Variants in STARD9 observed in about 807,000 individuals in gnomAD.
STARD9 encodes the protein stAR-related lipid transfer protein 9.
Under a neutral mutation model 399.8 loss-of-function variants are expected in STARD9, and 346 were observed. The observed-to-expected ratio is 0.87, with a 90% CI of 0.79 to 0.95. STARD9 has a LOEUF of 0.95. STARD9 is among the 40% of genes least tolerant of loss of function. STARD9 has a pLI of 0.00. For synonymous variants in STARD9, 2,203 were observed against 2,143.5 expected (o/e 1.03, Z -0.77); for missense variants, 5,832 against 5,667.5 (o/e 1.03, Z -0.93).
Position 42,693,106 on chromosome 15 carries a change from C to T in STARD9, c.11528C>T (p.Pro3843Leu), listed in dbSNP as rs1441344585. 1.3e-6 allele frequency: 2 copies of T among 1,536,974 alleles called. No homozygotes were observed. The highest frequency in any genetic ancestry group is 2.4e-5 in the East Asian group (1 of 40,910). ...CCCTCAGTTTCTGATGCTTTCCTGC[C>T]TCCCAGCTCCCAGCCAGAGGAGTCA... Reference protein sequence around the residue: ...VSPSVSDAFLPPSSQPEESYC... With the variant: ...VSPSVSDAFLLPSSQPEESYC... Residue 3843 changes from proline to leucine, a missense_variant, in exon 23 of 33, where the codon CCT becomes CTT. Transcript: ENST00000290607.
chr15:42,616,053 G>A (rs919204084), intron 3 of STARD9, among the ~76,000 whole-genome samples: 6 of 150,568 alleles, frequency 4.0e-5, no homozygotes, highest in African/African-American at 1.5e-4. Flanking sequence ...TTTTTTTTTC[G>A]CTTGGTATAA....
chr15:42,619,891 G>T (rs779443663), intron 3 of STARD9, among the ~76,000 whole-genome samples: 1 of 152,202 alleles, frequency 6.6e-6, no homozygotes, highest in Non-Finnish European at 1.5e-5. Flanking sequence ...CTAATCAATG[G>T]CTAACTTGCC....
At chr15:42,704,189 G>C (rs1042551225) in intron 26 of STARD9, among the ~76,000 whole-genome samples, 5 of 152,174 alleles carry the variant, frequency 3.3e-5, no homozygotes, top group Non-Finnish European at 7.3e-5. Context: ...GGGATTACAG[G>C]CATGAGCTAC....
chr15:42,663,181 A>T, intron 11 of STARD9, 100 bp from the exon 12 acceptor site: 4 of 1,103,342 alleles, frequency 3.6e-6, no homozygotes, highest in Non-Finnish European at 5.1e-6. Flanking sequence ...GGGATTAGGA[A>T]ATATGATACT....
chr15:42,623,770 G>T (rs1414531075), intron 3 of STARD9, among the ~76,000 whole-genome samples: 1 of 152,176 alleles, frequency 6.6e-6, no homozygotes, highest in African/African-American at 2.4e-5. Context: ...GTAAAATGTG[G>T]ACGAACATGG....
chr15:42,637,978 T>G, intron 5 of STARD9, 39 bp downstream of exon 5: 1 of 1,537,114 alleles, frequency 6.5e-7, no homozygotes, highest in Non-Finnish European at 8.7e-7. Flanking sequence ...TCAAAGTAGG[T>G]CTCTCTACAA....
At chr15:42,716,855 G>A in intron 27 of STARD9, 72 bp from the exon 28 acceptor site, 1 of 1,529,942 alleles carries the variant, frequency 6.5e-7, no homozygotes, top group Admixed American at 2.0e-5. Flanking sequence ...TCACTGGTCT[G>A]TGGGAGAGCT....
intron 30 of STARD9, 107 bp downstream of exon 30, chr15:42,718,286 C>A: frequency 7.9e-7 from 1 of 1,263,008 alleles, no homozygotes; most frequent in Non-Finnish European, 1.1e-6. Flanking sequence ...TCTTTGGAGG[C>A]CAGGTACTCA....
Position 42,687,603 on chromosome 15 carries a change from G to C in STARD9, c.6025G>C (p.Val2009Leu). The C allele has an allele frequency of 6.5e-7, 1 of 1,537,092 alleles. No homozygotes were observed. Among genetic ancestry groups the C allele is most frequent in the East Asian group, 2.4e-5 (1 of 40,920 alleles). ...GCCTGCATATGAAAGGTTCCAGTTA[G>C]TTGCATGCCCTCAGGAAAGAAACCC... Reference protein sequence around the residue: ...TKPAYERFQLVACPQERNPSE... With the variant: ...TKPAYERFQLLACPQERNPSE... The change falls in exon 23 of 33, where the codon GTT becomes CTT. Residue 2009 changes from valine (V) to leucine (L), a missense_variant. Physicochemically the swap from Val to Leu is conservative, Grantham distance 32 (BLOSUM62 1). Coordinates refer to ENST00000290607, the MANE Select transcript of STARD9 (RefSeq NM_020759.3).
At chr15:42,613,838 G>A (rs1026788076) in intron 3 of STARD9, among the ~76,000 whole-genome samples, 10 of 151,848 alleles carry the variant, frequency 6.6e-5, no homozygotes, top group Non-Finnish European at 1.5e-4. Flanking sequence ...GGTGGCTTGC[G>A]TCAGTAATCC....
intron 3 of STARD9, among the ~76,000 whole-genome samples, chr15:42,622,264 C>T (rs2059107513): frequency 6.6e-6 from 1 of 151,976 alleles, no homozygotes; most frequent in Admixed American, 6.6e-5. Flanking sequence ...CAGAGTGAGA[C>T]CCTTAAAAAC....
intron 6 of STARD9, 87 bp from the exon 7 acceptor site, chr15:42,638,613 G>A (rs2059467523): frequency 1.1e-6 from 1 of 876,668 alleles, no homozygotes; most frequent in Admixed American, 2.4e-5. Flanking sequence ...GCTGGAACAA[G>A]AACTAAGACC....
rs2060574237 is a variant in STARD9, at chr15:42,686,942, TCTCCAAGGTGCTTATTTGAAG to T, written c.5365_5385del (p.Leu1789_Lys1795del). 9.8e-6 allele frequency: 15 copies of T among 1,536,456 alleles called. No individual in the cohort carries two copies. Among genetic ancestry groups the T allele is most frequent in the Non-Finnish European group, 1.2e-5 (14 of 1,146,776 alleles). On this transcript the variant is annotated inframe_deletion, in exon 23 of 33. Coordinates refer to ENST00000290607, the MANE Select transcript of STARD9 (RefSeq NM_020759.3). ...GGGGCTTTGGTCACAACCACCAAGC[TCTCCAAGGTGCTTATTTGAAG>T]AATAATTTGCCAGTGCTGTTACAAA...
chr15:42,681,769 T>C (rs1276311229), intron 21 of STARD9, among the ~76,000 whole-genome samples, 157 bp downstream of exon 21: 1 of 152,182 alleles, frequency 6.6e-6, no homozygotes, highest in South Asian at 2.1e-4. Flanking sequence ...GAGATTCTTA[T>C]AAGAAGAGGG....
chr15:42,716,256 A>G (rs887281953), intron 26 of STARD9, among the ~76,000 whole-genome samples: 1 of 152,062 alleles, frequency 6.6e-6, no homozygotes, highest in African/African-American at 2.4e-5. Context: ...TTCATAGCCC[A>G]TTACTTTTCC....
intron 26 of STARD9, among the ~76,000 whole-genome samples, chr15:42,706,595 G>C (rs1031632472): frequency 2.6e-5 from 4 of 151,870 alleles, no homozygotes; most frequent in African/African-American, 7.3e-5. Flanking sequence ...GATTACAGGC[G>C]CCTGCCACCA....
chr15:42,707,539 G>A (rs1422109250), intron 26 of STARD9, among the ~76,000 whole-genome samples: 1 of 149,014 alleles, frequency 6.7e-6, no homozygotes, highest in African/African-American at 2.5e-5. Flanking sequence ...GCACGATCTC[G>A]GCTCACTCCA....
At chr15:42,595,945 C>G (rs2058494715) in intron 3 of STARD9, among the ~76,000 whole-genome samples, 1 of 152,158 alleles carries the variant, frequency 6.6e-6, no homozygotes, top group South Asian at 2.1e-4. Context: ...TCTTTAGAAA[C>G]TTGACTGTGA....
intron 17 of STARD9, 117 bp from the exon 18 acceptor site, chr15:42,674,710 C>T (rs2060273949): frequency 1.4e-6 from 2 of 1,404,194 alleles, no homozygotes; most frequent in African/African-American, 2.9e-5. Context: ...TCAGCTCTTC[C>T]TCTTTTATTA....
Sources: gnomAD v4.1 joint callset for allele counts (sites outside exome capture counted in the v4.1 genomes callset) on GRCh38, gnomAD v4.1.1 for gene constraint, MANE v1.5 for transcripts, NCBI Gene and HGNC (gene_info 2026-07-23, HGNC 2026-07-21) for gene names.